The following GPC6 variants were observed in gnomAD, a reference collection of about 807,000 sequenced individuals.
GPC6 encodes glypican 6.
Under a neutral mutation model 55.2 loss-of-function variants are expected in GPC6, and 14 were observed. The observed-to-expected ratio is 0.25, with a 90% CI of 0.17 to 0.40. The LOEUF (loss-of-function observed/expected upper bound fraction) is 0.40, where lower values mean the gene tolerates loss of function less well. Ranked by LOEUF, GPC6 falls within the 10% of genes least tolerant of loss-of-function variation. The pLI is 1.00. For missense variants in GPC6, 641 were observed against 708.5 expected (o/e 0.90, Z 1.08); for synonymous variants, 278 against 259.6 (o/e 1.07, Z -0.68).
chr13:93,260,042 A>C (rs575297428), intron 1 of GPC6, among the ~76,000 whole-genome samples: 12 of 152,178 alleles, frequency 7.9e-5, no homozygotes, highest in Non-Finnish European at 1.6e-4. Context: ...TTGTAATATG[A>C]AACCAGAGTT....
At chr13:94,269,858 C>T (rs993341456) in intron 4 of GPC6, among the ~76,000 whole-genome samples, 2 of 152,154 alleles carry the variant, frequency 1.3e-5, no homozygotes, top group Non-Finnish European at 2.9e-5. Flanking sequence ...GAAAGTCTAT[C>T]AGATATCTAC....
chr13:94,226,083 T>C (rs552107786), intron 4 of GPC6, among the ~76,000 whole-genome samples: 1 of 152,316 alleles, frequency 6.6e-6, no homozygotes, highest in East Asian at 1.9e-4. Context: ...ACTGCCACTC[T>C]GCATTTTTGC....
chr13:93,594,638 G>A (rs537452954), intron 2 of GPC6, among the ~76,000 whole-genome samples: 1 of 152,072 alleles, frequency 6.6e-6, no homozygotes, highest in East Asian at 1.9e-4. Context: ...CAATGTCTCA[G>A]TTATTTCAGG....
intron 4 of GPC6, among the ~76,000 whole-genome samples, chr13:94,030,695 T>C (rs1453786156): frequency 1.3e-5 from 2 of 152,196 alleles, no homozygotes; most frequent in African/African-American, 2.4e-5. Context: ...CCTGTTGCTG[T>C]CAGTTGCATG....
chr13:93,575,402 C>T (rs973752825), intron 2 of GPC6, among the ~76,000 whole-genome samples: 3 of 152,032 alleles, frequency 2.0e-5, no homozygotes, highest in Non-Finnish European at 2.9e-5. Context: ...TTTCTAAAAC[C>T]GGAGTGTGTT....
intron 3 of GPC6, among the ~76,000 whole-genome samples, chr13:94,008,986 T>C (rs1214979769): frequency 6.6e-6 from 1 of 152,166 alleles, no homozygotes; most frequent in African/African-American, 2.4e-5. Context: ...AAAATTAATT[T>C]TCTGTTTAAT....
intron 4 of GPC6, among the ~76,000 whole-genome samples, chr13:94,242,148 T>G (rs1371230311): frequency 6.7e-6 from 1 of 148,482 alleles, no homozygotes; most frequent in Non-Finnish European, 1.5e-5. Flanking sequence ...AATCCCCACC[T>G]ATGAGTGAGA....
intron 1 of GPC6, among the ~76,000 whole-genome samples, chr13:93,267,499 C>T (rs1877364003): frequency 6.6e-6 from 1 of 151,882 alleles, no homozygotes; most frequent in South Asian, 2.1e-4. Context: ...GCTAAATTTT[C>T]ACTTTGCATG....
At chr13:94,037,230 A>G (rs1239783593) in intron 4 of GPC6, among the ~76,000 whole-genome samples, 1 of 151,972 alleles carries the variant, frequency 6.6e-6, no homozygotes, top group Non-Finnish European at 1.5e-5. Flanking sequence ...CCAGCCTTGC[A>G]GTATTTTTCA....
intron 2 of GPC6, among the ~76,000 whole-genome samples, chr13:93,674,235 C>T (rs1881488028): frequency 2.0e-5 from 3 of 152,046 alleles, no homozygotes; most frequent in Admixed American, 6.6e-5. Flanking sequence ...TAAAGGTTGC[C>T]TTTAAACAGT....
intron 4 of GPC6, among the ~76,000 whole-genome samples, chr13:94,266,314 G>A (rs1396055562): frequency 3.3e-5 from 5 of 152,058 alleles, no homozygotes; most frequent in Middle Eastern, 3.4e-3. Context: ...GACTACAGGC[G>A]CCCGCCACCA....
At chr13:94,338,581 G>A (rs1029434160) in intron 6 of GPC6, among the ~76,000 whole-genome samples, 24 of 152,270 alleles carry the variant, frequency 1.6e-4, no homozygotes, top group Middle Eastern at 3.4e-3. Context: ...AATCTATTGA[G>A]GGCAAGTGTG....
At chr13:93,854,339 T>G (rs532261788) in intron 3 of GPC6, among the ~76,000 whole-genome samples, 1 of 151,742 alleles carries the variant, frequency 6.6e-6, no homozygotes, top group Non-Finnish European at 1.5e-5. Flanking sequence ...AACTATTTTT[T>G]TCACGATAGT....
chr13:93,320,820 C>T (rs1381028530), intron 1 of GPC6, among the ~76,000 whole-genome samples: 1 of 152,028 alleles, frequency 6.6e-6, no homozygotes, highest in Non-Finnish European at 1.5e-5. Flanking sequence ...CAAATAAGAA[C>T]CGGTGTTCAA....
Position 94,201,540 on chromosome 13 carries a change from C to T in GPC6, c.878-84809C>T, listed in dbSNP as rs972203813. On this transcript the variant is annotated intron_variant, in intron 4 of 8. Transcript: ENST00000377047. Reference sequence around the variant, plus strand: ...TATTGCCTCTTCTTTTTCACTTTTCCGATCTTATGAGGTATAAATTATGAT... The same window carrying T: ...TATTGCCTCTTCTTTTTCACTTTTCTGATCTTATGAGGTATAAATTATGAT... Among the ~76,000 whole-genome samples, 6 of 152,146 alleles carry T rather than the reference C, an allele frequency of 3.9e-5. No homozygotes were observed. In the South Asian group the frequency reaches 8.3e-4, roughly 21 times the overall value.
chr13:93,352,862 CAG>C (rs1880680574), intron 1 of GPC6, among the ~76,000 whole-genome samples: 1 of 152,050 alleles, frequency 6.6e-6, no homozygotes, highest in South Asian at 2.1e-4. Flanking sequence ...TTGGTGAGGA[CAG>C]AGTGGGCAGA....
intron 1 of GPC6, among the ~76,000 whole-genome samples, chr13:93,248,587 A>G (rs1258649134): frequency 6.6e-6 from 1 of 152,162 alleles, no homozygotes; most frequent in Admixed American, 6.5e-5. Flanking sequence ...ATTTTAACCT[A>G]ATTAAGTATA....
chr13:94,022,758 A>T (rs1882746514), intron 3 of GPC6, among the ~76,000 whole-genome samples: 2 of 152,052 alleles, frequency 1.3e-5, no homozygotes, highest in Non-Finnish European at 2.9e-5. Context: ...ACTTGTTATC[A>T]TCTGCTTTTA....
chr13:94,034,749 T>C (rs1489843154), intron 4 of GPC6, among the ~76,000 whole-genome samples: 1 of 152,094 alleles, frequency 6.6e-6, no homozygotes, highest in Non-Finnish European at 1.5e-5. Context: ...TACTGATTAC[T>C]GTAAATGATA....
Sources: gnomAD v4.1 joint callset for allele counts (sites outside exome capture counted in the v4.1 genomes callset) on GRCh38, gnomAD v4.1.1 for gene constraint, MANE v1.5 for transcripts, NCBI Gene and HGNC (gene_info 2026-07-23, HGNC 2026-07-21) for gene names.